AFF4: variants seen among roughly 807,000 people sequenced by gnomAD.
AFF4 encodes the protein ALF transcription elongation factor 4, also known as AF4/FMR2 family member 4.
In AFF4, 13 loss-of-function variants were observed where a neutral mutation model predicts 124.8. The ratio of observed to expected loss-of-function variants is 0.10; its 90% CI spans 0.07 to 0.17. AFF4 has a LOEUF of 0.17. Among genes scored for constraint, AFF4 ranks in the 10% least tolerant of loss-of-function variants. The pLI, the probability that AFF4 is intolerant of heterozygous loss-of-function variation, is 1.00. For synonymous variants in AFF4, 477 were observed against 496.1 expected (o/e 0.96, Z 0.51); for missense variants, 1,092 against 1,403.8 (o/e 0.78, Z 3.55).
rs1415480841 is a variant in AFF4, at chr5:132,884,477, T to A, written c.3143+599A>T. 2.0e-4 allele frequency among the ~76,000 whole-genome samples: 30 copies of A among 152,140 alleles called. 1 individual carries two copies. The highest frequency in any genetic ancestry group is 1.5e-5 in the Non-Finnish European group (1 of 68,022). Reference sequence around the variant, plus strand: ...GGCTGGTCTTGAACTCCTGACCTTGTGATCTGCCCACCTCGGCCTCTCAAA... The same window carrying A: ...GGCTGGTCTTGAACTCCTGACCTTGAGATCTGCCCACCTCGGCCTCTCAAA... On this transcript the variant is annotated intron_variant, in intron 19 of 20. Transcript: ENST00000265343.
Position 132,963,624 on chromosome 5 carries a change from C to A in AFF4, c.-370G>T, listed in dbSNP as rs777220633. 6.0e-5 allele frequency: 24 copies of A among 396,894 alleles called. No individual in the cohort carries two copies. Among genetic ancestry groups the A allele is most frequent in the African/African-American group, 3.1e-4 (15 of 48,576 alleles). 24.6% of individuals were successfully genotyped at this position (396,894 alleles called of 1,614,324 possible). ...GGCAGCTGGACTCCTGCAGCCAGGG[C>A]TGTGACTGACGCAGCGGCCGTGCCA... On this transcript the variant is annotated 5_prime_UTR_variant, in exon 1 of 21. Coordinates refer to ENST00000265343, the MANE Select transcript of AFF4 (RefSeq NM_014423.4).
chr5:132,924,507 G>A (rs889363437), intron 5 of AFF4, among the ~76,000 whole-genome samples: 2 of 152,102 alleles, frequency 1.3e-5, no homozygotes, highest in Non-Finnish European at 2.9e-5. Context: ...TGATGGAAAT[G>A]TTCTAATTCC....
chr5:132,892,556 A>G, intron 12 of AFF4, 152 bp from the exon 13 acceptor site: 4 of 1,253,180 alleles, frequency 3.2e-6, no homozygotes, highest in Non-Finnish European at 4.4e-6. Flanking sequence ...ATAAGACTGT[A>G]AATTCCATGA....
At chr5:132,935,879 T>A (rs1761416470) in intron 2 of AFF4, among the ~76,000 whole-genome samples, 1 of 149,646 alleles carries the variant, frequency 6.7e-6, no homozygotes, top group Non-Finnish European at 1.5e-5. Flanking sequence ...GCCGAGATCA[T>A]GACATGGCAC....
rs1273490318 is a variant in AFF4, at chr5:132,878,623, T to G, written c.*2436A>C. 1 of 229,078 alleles carries G rather than the reference T, an allele frequency of 4.4e-6. No homozygotes were observed. Among genetic ancestry groups the G allele is most frequent in the East Asian group, 6.2e-5 (1 of 16,006 alleles). The allele number at this position is 229,078 out of a possible 1,614,324, so 14.2% of individuals were successfully genotyped here. A position where few individuals can be genotyped will look rare whatever the true frequency, so the allele number is the denominator to read the frequency against. On this transcript the variant is annotated 3_prime_UTR_variant, in exon 21 of 21. Coordinates refer to ENST00000265343, the MANE Select transcript of AFF4 (RefSeq NM_014423.4). ...ACATTGAAAATTCAATCATTTATGA[T>G]AGGATTTTGATCCATTGCCCATTAC...
chr5:132,951,228 A>G (rs576943998), intron 1 of AFF4, among the ~76,000 whole-genome samples: 2 of 152,254 alleles, frequency 1.3e-5, no homozygotes, highest in Admixed American at 6.5e-5. Context: ...CGTCTCAAAA[A>G]AAAAAAAAAG....
chr5:132,956,486 C>T (rs771120935), intron 1 of AFF4, among the ~76,000 whole-genome samples: 2 of 151,724 alleles, frequency 1.3e-5, no homozygotes, highest in Non-Finnish European at 2.9e-5. Context: ...CAAAAATTAG[C>T]TAGGTGTGGT....
rs188359627 is a variant in AFF4 at position 132,915,285 on chromosome 5, G to A, written c.1051-10881C>T. 2.5e-3 allele frequency among the ~76,000 whole-genome samples: 375 copies of A among 149,572 alleles called. 1 individual carries two copies. The highest frequency in any genetic ancestry group is 4.4e-3 in the Admixed American group (67 of 15,070). ...GAACCCGGGAGGCGGAGCTTGCAGT[G>A]AGCCGAGATCACACCACTGCACTCC... On this transcript the variant is annotated intron_variant, in intron 5 of 20. Transcript: ENST00000265343.
intron 10 of AFF4, among the ~76,000 whole-genome samples, chr5:132,897,890 C>A (rs571324858): frequency 6.6e-6 from 1 of 152,044 alleles, no homozygotes; most frequent in Non-Finnish European, 1.5e-5. Context: ...CAAGCTATAC[C>A]AAAATTGTAT....
At position 132,897,022 on chromosome 5, in the gene AFF4, G is replaced by A; in HGVS notation, c.1608C>T (p.Ile536=). The A allele has an allele frequency of 6.2e-7, 1 of 1,614,144 alleles. No individual in the cohort carries two copies. The highest frequency in any genetic ancestry group is 8.5e-7 in the Non-Finnish European group (1 of 1,180,030). Residue 536 remains isoleucine (I), a synonymous_variant, in exon 11 of 21, where the codon ATC becomes ATT. Coordinates refer to ENST00000265343, the MANE Select transcript of AFF4 (RefSeq NM_014423.4). ...CACGCCCACTTTCTGATCCCTTTTG[G>A]ATGGTTTTGGAGTCTCGTCCCGGAG... ...SATPGRDSKT[I]QKGSESGRGR...
intron 4 of AFF4, among the ~76,000 whole-genome samples, chr5:132,931,151 C>T (rs1761291513): frequency 6.7e-6 from 1 of 148,736 alleles, no homozygotes; most frequent in African/African-American, 2.5e-5. Context: ...TGCAGTGGCT[C>T]AGGCTATAAT....
chr5:132,891,974 G>A, intron 13 of AFF4, 190 bp downstream of exon 13: 1 of 864,396 alleles, frequency 1.2e-6, no homozygotes, highest in Non-Finnish European at 1.7e-6. Flanking sequence ...TATGTGACCA[G>A]CTGACTTACC....
intron 5 of AFF4, among the ~76,000 whole-genome samples, chr5:132,925,487 C>T (rs536313343): frequency 1.7e-4 from 26 of 151,928 alleles, no homozygotes; most frequent in Non-Finnish European, 3.4e-4. Context: ...AATAAAAAGA[C>T]AAGAATCTAA....
At chr5:132,914,884 GACAA>G (rs1760872335) in intron 5 of AFF4, among the ~76,000 whole-genome samples, 5 of 152,060 alleles carry the variant, frequency 3.3e-5, no homozygotes, top group Admixed American at 3.3e-4. Flanking sequence ...AGATAAAATG[GACAA>G]ATTCCTTGAA....
Position 132,887,763 on chromosome 5 carries a change from CAG to C in AFF4, c.2933+81_2933+82del, listed in dbSNP as rs1228678763. 264 of 1,553,884 alleles carry C rather than the reference CAG, an allele frequency of 1.7e-4. 4 individuals are homozygous for C. The South Asian group carries it at 3.0e-3, about 17-fold the overall frequency. On this transcript the variant is annotated intron_variant, in intron 16 of 20. Coordinates refer to ENST00000265343, the MANE Select transcript of AFF4 (RefSeq NM_014423.4). The stretch of plus-strand genomic sequence containing the variant: ...ACATTAAAGGATTATACACCCTCTT[CAG>C]TTTACTATATATCAGCCTCTTCCTT...
At chr5:132,903,354 T>A (rs1232974997) in intron 6 of AFF4, among the ~76,000 whole-genome samples, 1 of 152,184 alleles carries the variant, frequency 6.6e-6, no homozygotes, top group East Asian at 1.9e-4. Flanking sequence ...TGCATTAAGA[T>A]CACTGAAGAT....
chr5:132,888,730 C>A (rs1034787703), intron 14 of AFF4, among the ~76,000 whole-genome samples: 1 of 151,740 alleles, frequency 6.6e-6, no homozygotes, highest in South Asian at 2.1e-4. Flanking sequence ...CGGAGTCTCG[C>A]TCTGTTGCCC....
chr5:132,879,168 CTG>C lies in AFF4; in HGVS notation c.*1889_*1890del, dbSNP rs1759910791. On this transcript the variant is annotated 3_prime_UTR_variant, in exon 21 of 21. Transcript: ENST00000265343. The stretch of plus-strand genomic sequence containing the variant: ...ATCTTCAATGACATCTAAAAACAAT[CTG>C]AGGTACAAAACAGTTAAGAAGCTCT... 4.6e-6 allele frequency: 1 copy of C among 219,692 alleles called. No individual in the cohort carries two copies. The highest frequency in any genetic ancestry group is 5.8e-5 in the Admixed American group (1 of 17,312). 13.6% of individuals were successfully genotyped at this position (219,692 alleles called of 1,614,324 possible).
intron 7 of AFF4, among the ~76,000 whole-genome samples, 192 bp downstream of exon 7, chr5:132,902,250 G>A (rs1458889651): frequency 2.0e-5 from 3 of 151,972 alleles, no homozygotes; most frequent in African/African-American, 4.8e-5. Flanking sequence ...GTTTCACCAC[G>A]TTGGCCAGGC....
Sources: gnomAD v4.1 joint callset for allele counts (sites outside exome capture counted in the v4.1 genomes callset) on GRCh38, gnomAD v4.1.1 for gene constraint, MANE v1.5 for transcripts, NCBI Gene and HGNC (gene_info 2026-07-23, HGNC 2026-07-21) for gene names.